Variants in ST8SIA6 observed in about 807,000 individuals in gnomAD.
ST8SIA6 encodes ST8 alpha-N-acetyl-neuraminide alpha-2,8-sialyltransferase 6, also known as alpha-2,8-sialyltransferase 8F.
In ST8SIA6, 39 loss-of-function variants were observed where a neutral mutation model predicts 33.6. The observed-to-expected ratio is 1.16, with a 90% confidence interval of 0.90 to 1.52. The LOEUF (loss-of-function observed/expected upper bound fraction) is 1.52. ST8SIA6 is among the 40% of genes most tolerant of loss of function. The pLI is 0.00. For synonymous variants in ST8SIA6, 172 were observed against 167.2 expected, an observed-to-expected ratio of 1.03 and a Z score of -0.22; for missense variants, 441 against 443.8, an observed-to-expected ratio of 0.99 and a Z score of 0.06.
At chr10:17,370,530 C>G (rs192480056) in intron 3 of ST8SIA6, among the ~76,000 whole-genome samples, 1 of 152,212 alleles carries the variant, frequency 6.6e-6, no homozygotes, top group Non-Finnish European at 1.5e-5. Flanking sequence ...CCATACACAA[C>G]TTATCAGAAT....
chr10:17,364,716 CAT>C (rs1374218384), intron 3 of ST8SIA6, among the ~76,000 whole-genome samples: 1 of 152,200 alleles, frequency 6.6e-6, no homozygotes, highest in Non-Finnish European at 1.5e-5. Flanking sequence ...GGAAAAACCA[CAT>C]GTGTGCTCCA....
intron 4 of ST8SIA6, among the ~76,000 whole-genome samples, chr10:17,335,751 T>C (rs1848479248): frequency 6.6e-6 from 1 of 152,182 alleles, no homozygotes; most frequent in African/African-American, 2.4e-5. Flanking sequence ...GTGTGACATA[T>C]TGCAAATTCA....
chr10:17,374,157 G>A (rs1378752043), intron 3 of ST8SIA6, among the ~76,000 whole-genome samples: 7 of 150,292 alleles, frequency 4.7e-5, no homozygotes, highest in Admixed American at 1.3e-4. Context: ...AACAGATTGC[G>A]TGACTTTGAA....
At chr10:17,396,638 T>G (rs539914863) in intron 2 of ST8SIA6, among the ~76,000 whole-genome samples, 47 of 152,224 alleles carry the variant, frequency 3.1e-4, no homozygotes, top group African/African-American at 1.0e-3. Flanking sequence ...TCCTCTGAGA[T>G]CCAGCCCATC....
At chr10:17,408,848 C>T (rs974418627) in intron 2 of ST8SIA6, among the ~76,000 whole-genome samples, 2 of 151,580 alleles carry the variant, frequency 1.3e-5, no homozygotes, top group African/African-American at 2.4e-5. Context: ...CTCTGCCTCT[C>T]GGGTTCAAGA....
intron 2 of ST8SIA6, among the ~76,000 whole-genome samples, chr10:17,428,566 G>A (rs1401092920): frequency 6.6e-6 from 1 of 152,022 alleles, no homozygotes; most frequent in Non-Finnish European, 1.5e-5. Context: ...AGAGGCCGTT[G>A]GAAGGGCTTC....
intron 4 of ST8SIA6, among the ~76,000 whole-genome samples, chr10:17,343,794 G>C (rs756703612): frequency 1.3e-5 from 2 of 152,194 alleles, no homozygotes; most frequent in Non-Finnish European, 2.9e-5. Flanking sequence ...TGCCCGGAAA[G>C]AGAGACGCCA....
At chr10:17,413,735 A>G (rs977667449) in intron 2 of ST8SIA6, among the ~76,000 whole-genome samples, 3 of 139,124 alleles carry the variant, frequency 2.2e-5, no homozygotes, top group African/African-American at 4.9e-5. Context: ...TCATTTACAT[A>G]TTATGATTTT....
At chr10:17,333,501 G>C (rs1848366862) in intron 4 of ST8SIA6, among the ~76,000 whole-genome samples, 1 of 150,970 alleles carries the variant, frequency 6.6e-6, no homozygotes, top group African/African-American at 2.4e-5. Context: ...ATACTACAAG[G>C]CTACAGTAAC....
In ST8SIA6 at chr10:17,319,067, G is replaced by A. The variant is rs1847858916; in HGVS notation, c.*1811C>T. On this transcript the variant is annotated 3_prime_UTR_variant, in exon 8 of 8. Transcript: ENST00000377602. ...AAACAATGGCCAACAACCCCAATCTGCTGTGAAATCACAACTATAGACCCA... is the reference window on the plus strand; with the variant it reads ...AAACAATGGCCAACAACCCCAATCTACTGTGAAATCACAACTATAGACCCA... Among the ~76,000 whole-genome samples the A allele has an allele frequency of 6.6e-6, 1 of 152,086 alleles. No homozygotes were observed. The highest frequency in any genetic ancestry group is 2.1e-4 in the South Asian group (1 of 4,814).
At chr10:17,382,676 G>T (rs2131645979) in intron 3 of ST8SIA6, among the ~76,000 whole-genome samples, 1 of 152,250 alleles carries the variant, frequency 6.6e-6, no homozygotes, top group Admixed American at 6.5e-5. Flanking sequence ...AGCAATTAAA[G>T]CCTTATCTTC....
At chr10:17,393,301 C>A (rs898131128) in intron 2 of ST8SIA6, among the ~76,000 whole-genome samples, 5 of 152,190 alleles carry the variant, frequency 3.3e-5, no homozygotes, top group African/African-American at 7.2e-5. Flanking sequence ...CTCAGCCTCC[C>A]CTAATTATGG....
chr10:17,413,536 G>A (rs1851514964), intron 2 of ST8SIA6: 1 of 152,068 alleles, frequency 6.6e-6, no homozygotes, highest in Non-Finnish European at 1.5e-5. Context: ...GCTGATACCT[G>A]GAAAACACCA....
intron 2 of ST8SIA6, among the ~76,000 whole-genome samples, chr10:17,401,365 T>C (rs1334851577): frequency 6.6e-6 from 1 of 152,170 alleles, no homozygotes; most frequent in Non-Finnish European, 1.5e-5. Context: ...CCAAGGTAAT[T>C]TATAGATACA....
At chr10:17,325,784 C>T (rs1848112856) in intron 6 of ST8SIA6, among the ~76,000 whole-genome samples, 1 of 152,146 alleles carries the variant, frequency 6.6e-6, no homozygotes, top group South Asian at 2.1e-4. Context: ...TACCTCTCAT[C>T]AGCAAGTGTG....
At chr10:17,433,664 T>C (rs1180446005) in intron 2 of ST8SIA6, among the ~76,000 whole-genome samples, 1 of 152,126 alleles carries the variant, frequency 6.6e-6, no homozygotes, top group Non-Finnish European at 1.5e-5. Flanking sequence ...AGCACTTTAA[T>C]AACTGGTATG....
chr10:17,327,962 C>T (rs1330561441), intron 5 of ST8SIA6, among the ~76,000 whole-genome samples: 1 of 152,018 alleles, frequency 6.6e-6, no homozygotes. Context: ...TTATGTGAAC[C>T]TAAGTTTCAT....
intron 7 of ST8SIA6, 78 bp downstream of exon 7, chr10:17,322,987 G>A: frequency 7.5e-7 from 1 of 1,325,122 alleles, no homozygotes; most frequent in Non-Finnish European, 1.1e-6. Context: ...TCAGCAACAA[G>A]ATTAGTGCTT....
At position 17,454,248 on chromosome 10, in the gene ST8SIA6, G is replaced by A. The variant is rs1156765853; in HGVS notation, c.8C>T (p.Pro3Leu). MR[P>L]GGALLALLAS... ...GAGCAGGGCGAGCAGTGCGCCCCCC[G>A]GCCGCATCCTGAGCCACAGGCGCCG... The change falls in exon 1 of 8, where the codon CCG (proline) becomes CTG (leucine). Residue 3 changes from proline to leucine, a missense_variant. Transcript: ENST00000377602. The surrounding 1 kb of genome is among the most constrained non-coding windows in gnomAD (Gnocchi z 4.1). 6 of 237,714 alleles carry A rather than the reference G, an allele frequency of 2.5e-5. No individual in the cohort carries two copies. The Admixed American group carries it at 2.8e-4, about 11-fold the overall frequency. 14.7% of individuals were successfully genotyped at this position (237,714 alleles called of 1,614,324 possible). A position where few individuals can be genotyped will look rare whatever the true frequency, so the allele number is the denominator to read the frequency against.
Sources: allele counts gnomAD v4.1 joint callset (sites outside exome capture counted in the v4.1 genomes callset), GRCh38; gene constraint gnomAD v4.1.1; non-coding constraint Gnocchi (gnomAD v3.1); transcripts MANE v1.5; gene names NCBI Gene and HGNC (gene_info 2026-07-23, HGNC 2026-07-21).